ERCC6: variants seen among roughly 807,000 people sequenced by gnomAD.
ERCC6 encodes the protein DNA excision repair protein ERCC-6.
Under a neutral mutation model 158.7 loss-of-function variants are expected in ERCC6, and 116 were observed. That is an observed-to-expected ratio of 0.73 (90% CI 0.63 to 0.85). The LOEUF is 0.85. Ranked by LOEUF, ERCC6 falls within the 40% of genes least tolerant of loss-of-function variation. The pLI is 0.00. For missense variants in ERCC6, 1,698 were observed against 1,799.4 expected, an observed-to-expected ratio of 0.94 and a Z score of 1.02; for synonymous variants, 678 against 659.3, an observed-to-expected ratio of 1.03 and a Z score of -0.43.
At chr10:49,523,864 ACT>A (rs1398539849) in intron 5 of ERCC6, among the ~76,000 whole-genome samples, 167 bp downstream of exon 5, 1 of 151,826 alleles carries the variant, frequency 6.6e-6, no homozygotes, top group East Asian at 1.9e-4. Context: ...ATCATTAAGG[ACT>A]CAGGGGCCCC....
rs1365249990 is a variant in ERCC6 at position 49,534,724 on chromosome 10, G to C, written c.-14-1746C>G. On this transcript the variant is annotated intron_variant, in intron 1 of 20. Transcript: ENST00000355832. ...TCACATCTAATAAATATATTAAAAA[G>C]CAAAACGATAACCAAAAATCAGTCT... Among the ~76,000 whole-genome samples, 7 of 152,152 alleles carry C rather than the reference G, an allele frequency of 4.6e-5. No individual in the cohort carries two copies. In the East Asian group the frequency reaches 1.2e-3, roughly 25 times the overall value.
At position 49,474,135 on chromosome 10, in the gene ERCC6, ATCT is replaced by A. The variant is rs886047036; in HGVS notation, c.2487_2489del (p.Glu829del). ...CAGAACGTTTCCAGTACCCAAACTGATCTTCTTCTAGTTCATCATCAGGAAGAC... is the reference window on the plus strand; with the variant it reads ...CAGAACGTTTCCAGTACCCAAACTGATCTTCTAGTTCATCATCAGGAAGAC... On this transcript the variant is annotated inframe_deletion, in exon 13 of 21. Transcript: ENST00000355832. 23 of 1,614,138 alleles carry A rather than the reference ATCT, an allele frequency of 1.4e-5. No individual in the cohort carries two copies. Among genetic ancestry groups the A allele is most frequent in the East Asian group, 4.5e-5 (2 of 44,880 alleles).
intron 11 of ERCC6, among the ~76,000 whole-genome samples, chr10:49,477,896 T>C (rs1850906884): frequency 6.6e-6 from 1 of 152,192 alleles, no homozygotes. Flanking sequence ...CCCTCAGCAT[T>C]CCCAGCTTAT....
rs1456137433 is a variant in ERCC6 at position 49,479,082 on chromosome 10, C to T, written c.2170-612G>A. On this transcript the variant is annotated intron_variant, in intron 10 of 20. Coordinates refer to ENST00000355832, the MANE Select transcript of ERCC6 (RefSeq NM_000124.4). ...CATATGGTTCTGTAATGGAGCACGG[C>T]CACATGAGATGAGTACTAAATATAC... Among the ~76,000 whole-genome samples the T allele has an allele frequency of 2.0e-5, 3 of 151,968 alleles. No homozygotes were observed. In the South Asian group the frequency reaches 6.3e-4, roughly 32 times the overall value.
chr10:49,490,914 T>G (rs1455368393), intron 8 of ERCC6, among the ~76,000 whole-genome samples: 1 of 152,120 alleles, frequency 6.6e-6, no homozygotes, highest in Admixed American at 6.5e-5. Flanking sequence ...GATAAGGAAG[T>G]CAGGCATTAG....
At chr10:49,478,583 G>A (rs967716839) in intron 10 of ERCC6, 113 bp from the exon 11 acceptor site, 1 of 765,482 alleles carries the variant, frequency 1.3e-6, no homozygotes. Context: ...ACCAACAGCT[G>A]TATAAAGTCA....
chr10:49,517,042 T>A, intron 5 of ERCC6: 1 of 1,613,706 alleles, frequency 6.2e-7, no homozygotes, highest in Non-Finnish European at 8.5e-7. Flanking sequence ...TGTATCACTA[T>A]AGCACTTGCT....
chr10:49,509,351 A>C (rs780536109), intron 5 of ERCC6, among the ~76,000 whole-genome samples: 45 of 152,250 alleles, frequency 3.0e-4, no homozygotes, highest in East Asian at 1.9e-4. Context: ...CACTGAAAGA[A>C]GAGAAAGCAA....
chr10:49,440,119 A>G, the ERCC6 span, among the ~76,000 whole-genome samples: 2 of 152,316 alleles, frequency 1.3e-5, no homozygotes, highest in African/African-American at 4.8e-5. Flanking sequence ...CTTTTCAGCA[A>G]CATTCCATTC....
rs142476267 is a variant in ERCC6 at position 49,535,038 on chromosome 10, T to C, written c.-14-2060A>G. Among the ~76,000 whole-genome samples, 838 of 152,272 alleles carry C rather than the reference T, an allele frequency of 5.5e-3. 7 individuals carry two copies. Among genetic ancestry groups the C allele is most frequent in the African/African-American group, 0.019 (797 of 41,548 alleles). ...TATGGTGTCTGGGGCCCAAGAAATATCACGGAGGAACTGAGATTTGAACAC... is the reference window on the plus strand; with the variant it reads ...TATGGTGTCTGGGGCCCAAGAAATACCACGGAGGAACTGAGATTTGAACAC... On this transcript the variant is annotated intron_variant, in intron 1 of 20. Coordinates refer to ENST00000355832, the MANE Select transcript of ERCC6 (RefSeq NM_000124.4).
chr10:49,538,660 CA>C (rs1384894686), intron 1 of ERCC6, among the ~76,000 whole-genome samples: 3 of 152,168 alleles, frequency 2.0e-5, no homozygotes, highest in African/African-American at 7.2e-5. Context: ...TAATCGAGAT[CA>C]AAAAGGACCC....
chr10:49,440,812 A>C, the ERCC6 span, among the ~76,000 whole-genome samples: 6 of 152,302 alleles, frequency 3.9e-5, no homozygotes, highest in South Asian at 1.2e-3. Flanking sequence ...GGAATGGGGC[A>C]GGCATGGTGG....
In ERCC6 at chr10:49,458,870, A is replaced by G; in HGVS notation, c.4427T>C (p.Phe1476Ser). 6.2e-7 allele frequency: 1 copy of G among 1,614,226 alleles called. No homozygotes were observed. Among genetic ancestry groups the G allele is most frequent in the Non-Finnish European group, 8.5e-7 (1 of 1,180,036 alleles). The part of the protein sequence containing the change: ...FRELLRNLCT[F>S]HRTSGGEGIW... The stretch of plus-strand genomic sequence containing the variant: ...TCCTTCACCACCAGAAGTTCTATGG[A>G]AAGTGCACAGATTTCTCAATAGTTC... The change falls in exon 21 of 21, where the codon TTC (phenylalanine) becomes TCC (serine). Residue 1476 changes from phenylalanine to serine, a missense_variant. Physicochemically the swap from Phe to Ser is radical, Grantham distance 155 (BLOSUM62 -2). Transcript: ENST00000355832.
the ERCC6 span, among the ~76,000 whole-genome samples, chr10:49,448,855 T>C: frequency 3.9e-5 from 6 of 152,228 alleles, no homozygotes; most frequent in African/African-American, 1.4e-4. Flanking sequence ...TGTATAGATA[T>C]ACTGCATTTT....
chr10:49,468,125 A>T (rs1850709525), intron 18 of ERCC6, among the ~76,000 whole-genome samples: 1 of 152,178 alleles, frequency 6.6e-6, no homozygotes, highest in Non-Finnish European at 1.5e-5. Context: ...TAATTCGAAA[A>T]GTTAAAGAGG....
At chr10:49,529,390 A>C (rs1454372790) in intron 3 of ERCC6, among the ~76,000 whole-genome samples, 2 of 152,208 alleles carry the variant, frequency 1.3e-5, no homozygotes, top group South Asian at 2.1e-4. Flanking sequence ...AAGAATGCAT[A>C]ATTAAGTTAG....
chr10:49,448,385 G>T, the ERCC6 span, among the ~76,000 whole-genome samples: 1 of 152,002 alleles, frequency 6.6e-6, no homozygotes, highest in South Asian at 2.1e-4. Flanking sequence ...TAATTGGGTT[G>T]TCTTTTTGTT....
chr10:49,499,928 T>C (rs891805861), intron 7 of ERCC6, among the ~76,000 whole-genome samples: 2 of 152,146 alleles, frequency 1.3e-5, no homozygotes, highest in African/African-American at 4.8e-5. Context: ...TTACATAAAG[T>C]TCATAGATTG....
Position 49,458,856 on chromosome 10 carries a change from C to T in ERCC6, c.4441G>A (p.Gly1481Ser). Residue 1481 changes from glycine (G) to serine (S), a missense_variant, in exon 21 of 21, where the codon GGT (glycine) becomes AGT (serine). Physicochemically the swap from Gly to Ser is moderately conservative, Grantham distance 56 (BLOSUM62 0). Transcript: ENST00000355832. ...RNLCTFHRTS[G>S]GEGIWKLKPE... is the part of the protein sequence containing the mutation. ...TTGAGTTTCCAAATTCCTTCACCACCAGAAGTTCTATGGAAAGTGCACAGA... is the reference window on the plus strand; with the variant it reads ...TTGAGTTTCCAAATTCCTTCACCACTAGAAGTTCTATGGAAAGTGCACAGA... 4 of 1,614,176 alleles carry T rather than the reference C, an allele frequency of 2.5e-6. No individual in the cohort carries two copies. The highest frequency in any genetic ancestry group is 2.5e-6 in the Non-Finnish European group (3 of 1,180,038).
Sources: allele counts gnomAD v4.1 joint callset (sites outside exome capture counted in the v4.1 genomes callset), GRCh38; gene constraint gnomAD v4.1.1; transcripts MANE v1.5; gene names NCBI Gene and HGNC (gene_info 2026-07-23, HGNC 2026-07-21).